Variants in DISC1 observed in about 807,000 individuals in gnomAD.
The protein encoded by DISC1 is DISC1 scaffold protein.
Under a neutral mutation model 84.5 loss-of-function variants are expected in DISC1, and 57 were observed. The observed-to-expected ratio is 0.67, with a 90% CI of 0.55 to 0.84. The LOEUF (loss-of-function observed/expected upper bound fraction) is 0.84. DISC1 is among the 40% of genes least tolerant of loss of function. DISC1 has a pLI of 0.00. For missense variants in DISC1, 1,000 were observed against 1,057.8 expected (o/e 0.95, Z 0.76); for synonymous variants, 411 against 415.2 (o/e 0.99, Z 0.12).
At chr1:231,970,034 A>G (rs1157032797) in intron 10 of DISC1, among the ~76,000 whole-genome samples, 1 of 152,070 alleles carries the variant, frequency 6.6e-6, no homozygotes, top group Non-Finnish European at 1.5e-5. Flanking sequence ...AGTCTTTGCT[A>G]TTGTGAATAG....
chr1:231,905,142 C>A (rs1378622582), intron 9 of DISC1, among the ~76,000 whole-genome samples: 1 of 152,196 alleles, frequency 6.6e-6, no homozygotes, highest in Non-Finnish European at 1.5e-5. Context: ...AGCAATGGGA[C>A]AAGTCGAAGT....
chr1:231,998,335 A>C (rs200360249), intron 10 of DISC1, among the ~76,000 whole-genome samples: 23 of 152,314 alleles, frequency 1.5e-4, no homozygotes, highest in Non-Finnish European at 1.9e-4. Flanking sequence ...AAATGGAAGG[A>C]AACATATGAG....
intron 10 of DISC1, among the ~76,000 whole-genome samples, chr1:231,985,139 G>A (rs1664217181): frequency 6.6e-6 from 1 of 151,974 alleles, no homozygotes; most frequent in South Asian, 2.1e-4. Context: ...TGGCCAACAT[G>A]GTGAAACCCC....
rs142799033 is a variant in DISC1, at chr1:231,912,021, A to G, written c.1982-46807A>G. On this transcript the variant is annotated intron_variant, in intron 9 of 12. Transcript: ENST00000439617. The stretch of plus-strand genomic sequence containing the variant: ...TTCTCGTACCATGTTTTTCATCTCC[A>G]TAAAGTCATTTAAGGTCTTTTCTAT... 7.9e-5 allele frequency among the ~76,000 whole-genome samples: 12 copies of G among 152,270 alleles called. No homozygotes were observed. In the East Asian group the frequency reaches 2.1e-3, roughly 27 times the overall value.
chr1:231,765,195 C>CAAAAAA (rs71179793), intron 4 of DISC1, among the ~76,000 whole-genome samples: 42 of 93,264 alleles, frequency 4.5e-4, no homozygotes, highest in African/African-American at 7.5e-4. Flanking sequence ...GTCCACCCTA[C>CAAAAAA]AAAAAAAAAA....
intron 9 of DISC1, among the ~76,000 whole-genome samples, chr1:231,831,855 G>T (rs75085123): frequency 2.9e-5 from 4 of 140,030 alleles, no homozygotes; most frequent in East Asian, 4.0e-4. Flanking sequence ...GTAGTGGGGG[G>T]GGGTGGGCAG....
rs201086965 is a variant in DISC1, at chr1:232,005,038, C to CTCCT, written c.2043-3744_2043-3743insTTCC. ...CCTCTCTCCCTCCCTCACTCCCTCCCTCCATCCTTCCTTCCTTCCTTCCCT... is the reference window on the plus strand; with the variant it reads ...CCTCTCTCCCTCCCTCACTCCCTCCCTCCTTCCATCCTTCCTTCCTTCCTTCCCT... On this transcript the variant is annotated intron_variant, in intron 10 of 12. Transcript: ENST00000439617. 1.4e-4 allele frequency among the ~76,000 whole-genome samples: 15 copies of CTCCT among 104,060 alleles called. 1 individual carries two copies. The highest frequency in any genetic ancestry group is 3.3e-4 in the African/African-American group (8 of 24,302). The allele number at this position is 104,060 out of a possible 152,430, so 68.3% of individuals were successfully genotyped here.
At chr1:231,777,628 G>A (rs569651618) in intron 6 of DISC1, among the ~76,000 whole-genome samples, 105 of 152,290 alleles carry the variant, frequency 6.9e-4, no homozygotes, top group African/African-American at 2.3e-3. Context: ...AGCAATGCTG[G>A]CCAGATGGGT....
intron 8 of DISC1, among the ~76,000 whole-genome samples, chr1:231,807,167 G>A (rs1573966448): frequency 6.6e-6 from 1 of 152,216 alleles, no homozygotes; most frequent in African/African-American, 2.4e-5. Flanking sequence ...TGTGAGACAC[G>A]GTCCTATATT....
intron 10 of DISC1, among the ~76,000 whole-genome samples, chr1:231,994,738 A>G (rs986155437): frequency 6.6e-6 from 1 of 152,144 alleles, no homozygotes; most frequent in Non-Finnish European, 1.5e-5. Flanking sequence ...CTTTCTGCAA[A>G]ATGTCCCTTG....
chr1:232,021,041 C>G (rs1429931903), intron 11 of DISC1, among the ~76,000 whole-genome samples: 1 of 152,148 alleles, frequency 6.6e-6, no homozygotes, highest in Non-Finnish European at 1.5e-5. Context: ...ACATCACATA[C>G]CAGGAGGACA....
intron 8 of DISC1, among the ~76,000 whole-genome samples, chr1:231,804,857 T>C (rs1271262305): frequency 6.6e-6 from 1 of 152,160 alleles, no homozygotes; most frequent in African/African-American, 2.4e-5. Flanking sequence ...ATTACCATGT[T>C]TTAGCGGAGT....
chr1:232,026,762 C>CTTTTTTTTTTTTTTT (rs545455868), intron 12 of DISC1, among the ~76,000 whole-genome samples: 2 of 110,876 alleles, frequency 1.8e-5, no homozygotes, highest in Non-Finnish European at 1.8e-5. Flanking sequence ...TTTCTTTTTT[C>CTTTTTTTTTTTTTTT]TTTTTTTTTT....
At position 231,826,045 on chromosome 1, in the gene DISC1, G is replaced by C. The variant is rs1158162350; in HGVS notation, c.1981+7528G>C. Among the ~76,000 whole-genome samples the C allele has an allele frequency of 6.6e-6, 1 of 152,186 alleles. No individual in the cohort carries two copies. On this transcript the variant is annotated intron_variant, in intron 9 of 12. Coordinates refer to ENST00000439617, the MANE Select transcript of DISC1 (RefSeq NM_018662.3). The surrounding 1 kb of genome is among the most constrained non-coding windows in gnomAD (Gnocchi z 4.2). ...AAGTCACCCTCTTTTTAGTAACAAA[G>C]ACTTATCTCTTTCTTTTTGTTTCTC...
intron 3 of DISC1, among the ~76,000 whole-genome samples, chr1:231,732,942 G>A (rs1401456845): frequency 6.6e-6 from 1 of 152,108 alleles, no homozygotes; most frequent in Non-Finnish European, 1.5e-5. Flanking sequence ...AGTGGTGATG[G>A]TAGAAGCAGT....
rs1469678129 is a variant in DISC1, at chr1:231,775,314, T to C, written c.1634+4244T>C. On this transcript the variant is annotated intron_variant, in intron 6 of 12. Coordinates refer to ENST00000439617, the MANE Select transcript of DISC1 (RefSeq NM_018662.3). The stretch of plus-strand genomic sequence containing the variant: ...CATGTGACATTTCTGGATGTATCAC[T>C]GGTGGAGACTTACGTGCTTACATGG... 2.0e-5 allele frequency among the ~76,000 whole-genome samples: 3 copies of C among 152,254 alleles called. No homozygotes were observed. The East Asian group carries it at 5.8e-4, about 29-fold the overall frequency.
intron 9 of DISC1, among the ~76,000 whole-genome samples, chr1:231,821,464 A>T (rs1054590964): frequency 2.6e-5 from 4 of 152,220 alleles, no homozygotes; most frequent in Admixed American, 6.5e-5. Context: ...CACAATCTCT[A>T]TAAAGAGATG....
chr1:232,032,483 C>T (rs192182420), intron 12 of DISC1, among the ~76,000 whole-genome samples: 8 of 152,310 alleles, frequency 5.3e-5, no homozygotes, highest in South Asian at 2.1e-4. Context: ...ACATGCTTAC[C>T]TACCATGTGG....
intron 11 of DISC1, among the ~76,000 whole-genome samples, chr1:232,018,329 A>G (rs1393281217): frequency 6.6e-6 from 1 of 152,192 alleles, no homozygotes; most frequent in Non-Finnish European, 1.5e-5. Context: ...CACATGTCAT[A>G]GGGAAAGACT....
Sources: allele counts gnomAD v4.1 joint callset (sites outside exome capture counted in the v4.1 genomes callset), GRCh38; gene constraint gnomAD v4.1.1; non-coding constraint Gnocchi (gnomAD v3.1); transcripts MANE v1.5; gene names NCBI Gene and HGNC (gene_info 2026-07-23, HGNC 2026-07-21).